SLC1A4: variants seen among roughly 807,000 people sequenced by gnomAD.
SLC1A4 encodes the protein solute carrier family 1 member 4.
SLC1A4 carries 19 observed loss-of-function variants against 37.7 expected under a neutral mutation model. The observed-to-expected ratio is 0.50, with a 90% CI of 0.35 to 0.74. The LOEUF is 0.74. SLC1A4 is among the 30% of genes least tolerant of loss of function. SLC1A4 has a pLI of 0.01. For missense variants in SLC1A4, 570 were observed against 712.9 expected (o/e 0.80, Z 2.28); for synonymous variants, 299 against 309.8 (o/e 0.97, Z 0.37).
chr2:65,021,417 C>T lies in SLC1A4; in HGVS notation c.*271C>T, dbSNP rs1674417689. 4.3e-6 allele frequency: 2 copies of T among 462,994 alleles called. No individual in the cohort carries two copies. Among genetic ancestry groups the T allele is most frequent in the South Asian group, 3.0e-5 (1 of 33,236 alleles). 28.7% of individuals were successfully genotyped at this position (462,994 alleles called of 1,614,324 possible). ...CCAGGGATCTGTTTGGAAACAACCC[C>T]TTGAGCTGCCAGGCTCAAGAAATCA... On this transcript the variant is annotated 3_prime_UTR_variant, in exon 8 of 8. Coordinates refer to ENST00000234256, the MANE Select transcript of SLC1A4 (RefSeq NM_003038.5).
chr2:65,019,437 T>C (rs1224015516), intron 7 of SLC1A4, among the ~76,000 whole-genome samples: 1 of 151,952 alleles, frequency 6.6e-6, no homozygotes, highest in Admixed American at 6.6e-5. Context: ...ATGGGAATGA[T>C]CATAGCACCC....
chr2:64,995,281 C>T (rs956147299), intron 1 of SLC1A4, among the ~76,000 whole-genome samples: 2 of 152,154 alleles, frequency 1.3e-5, no homozygotes, highest in Non-Finnish European at 2.9e-5. Context: ...CTCTCTGTGC[C>T]TGAGTGTCCT....
In SLC1A4 at chr2:65,016,427, G is replaced by T. The variant is rs764230778; in HGVS notation, c.801-13G>T. On this transcript the variant is annotated splice_polypyrimidine_tract_variant and intron_variant, in intron 4 of 7. Coordinates refer to ENST00000234256, the MANE Select transcript of SLC1A4 (RefSeq NM_003038.5). ...TATCCCCCACTGATGAGTACCCTGT[G>T]CTTGTGCCCTAGGTACGTACCTGTG... The T allele has an allele frequency of 6.2e-7, 1 of 1,603,318 alleles. No homozygotes were observed.
intron 3 of SLC1A4, among the ~76,000 whole-genome samples, chr2:65,007,349 G>T (rs1673721417): frequency 6.6e-6 from 1 of 152,088 alleles, no homozygotes; most frequent in Non-Finnish European, 1.5e-5. Context: ...TCAGGTGAGG[G>T]AGGAGCTATG....
At position 65,003,961 on chromosome 2, in the gene SLC1A4, C is replaced by A; in HGVS notation, c.579C>A (p.Thr193=). The A allele has an allele frequency of 6.2e-7, 1 of 1,613,710 alleles. No individual in the cohort carries two copies. The highest frequency in any genetic ancestry group is 1.1e-5 in the South Asian group (1 of 91,056). ...LVVAAFRTYA[T]DYKVVTQNSS... is the part of the protein sequence containing the mutation. ...TTTCCTCTTGATCACAGTATGCAACCGATTATAAAGTCGTGACCCAGAACA... is the reference window on the plus strand; with the variant it reads ...TTTCCTCTTGATCACAGTATGCAACAGATTATAAAGTCGTGACCCAGAACA... Residue 193 remains threonine, a synonymous_variant, in exon 3 of 8, where the codon ACC becomes ACA. Coordinates refer to ENST00000234256, the MANE Select transcript of SLC1A4 (RefSeq NM_003038.5).
At position 64,989,641 on chromosome 2, in the gene SLC1A4, G is replaced by T; in HGVS notation, c.-3G>T. On this transcript the variant is annotated 5_prime_UTR_variant, in exon 1 of 8. Transcript: ENST00000234256. The stretch of plus-strand genomic sequence containing the variant: ...CCTCTAGCTCGGAGCGGCGTGTAGC[G>T]CCATGGAGAAGAGCAACGAGACCAA... 1 of 1,514,212 alleles carries T rather than the reference G, an allele frequency of 6.6e-7. No homozygotes were observed. The highest frequency in any genetic ancestry group is 2.7e-5 in the East Asian group (1 of 36,962). The allele number at this position is 1,514,212 out of a possible 1,614,324, so 93.8% of individuals were successfully genotyped here.
At chr2:65,008,404 G>C (rs1224299176) in intron 3 of SLC1A4, among the ~76,000 whole-genome samples, 1 of 152,184 alleles carries the variant, frequency 6.6e-6, no homozygotes, top group Non-Finnish European at 1.5e-5. Context: ...TTGAGAGACT[G>C]AATTGGGAGA....
In SLC1A4 at chr2:65,018,339, C is replaced by A; in HGVS notation, c.1229+74C>A. 1 of 1,500,558 alleles carries A rather than the reference C, an allele frequency of 6.7e-7. No individual in the cohort carries two copies. Among genetic ancestry groups the A allele is most frequent in the Non-Finnish European group, 9.1e-7 (1 of 1,095,526 alleles). The allele number at this position is 1,500,558 out of a possible 1,614,324, so 93.0% of individuals were successfully genotyped here. A position where few individuals can be genotyped will look rare whatever the true frequency, so the allele number is the denominator to read the frequency against. On this transcript the variant is annotated intron_variant, in intron 6 of 7. Coordinates refer to ENST00000234256, the MANE Select transcript of SLC1A4 (RefSeq NM_003038.5). The surrounding 1 kb of genome is among the most constrained non-coding windows in gnomAD (Gnocchi z 4.3). ...GATTTCCTTTGAAAAACCAATCTCA[C>A]CACAACTTGGTGTCTCGCTCATAAA...
intron 7 of SLC1A4, among the ~76,000 whole-genome samples, 193 bp from the exon 8 acceptor site, chr2:65,020,719 C>A (rs911998677): frequency 6.6e-6 from 1 of 151,978 alleles, no homozygotes; most frequent in Non-Finnish European, 1.5e-5. Flanking sequence ...CTTTTTTATT[C>A]TTTCTATAAA....
chr2:65,020,448 G>T (rs927440792), intron 7 of SLC1A4, among the ~76,000 whole-genome samples: 2 of 151,986 alleles, frequency 1.3e-5, no homozygotes, highest in Admixed American at 6.6e-5. Flanking sequence ...TTTATTTTTT[G>T]TAGAGATAGG....
chr2:64,990,246 T>TG (rs1673003677), intron 1 of SLC1A4, 76 bp downstream of exon 1: 1 of 1,299,146 alleles, frequency 7.7e-7, no homozygotes, highest in African/African-American at 1.5e-5. Context: ...TACACCCATA[T>TG]GCTTATACAC....
chr2:65,022,970 C>G lies in SLC1A4; in HGVS notation c.*1824C>G, dbSNP rs1339609078. The G allele has an allele frequency of 6.6e-6, 1 of 152,216 alleles. No homozygotes were observed. The highest frequency in any genetic ancestry group is 1.5e-5 in the Non-Finnish European group (1 of 68,088). The allele number at this position is 152,216 out of a possible 1,614,324, so 9.4% of individuals were successfully genotyped here. A position where few individuals can be genotyped will look rare whatever the true frequency, so the allele number is the denominator to read the frequency against. On this transcript the variant is annotated 3_prime_UTR_variant, in exon 8 of 8. Coordinates refer to ENST00000234256, the MANE Select transcript of SLC1A4 (RefSeq NM_003038.5). ...GAACGGAGACCATCAAGCCACACCC[C>G]CTTCTTAAAACTGGGGACATGAGCC...
Position 65,018,590 on chromosome 2 carries a change from T to C in SLC1A4, c.1275T>C (p.Ala425=). The C allele has an allele frequency of 6.2e-7, 1 of 1,614,244 alleles. No homozygotes were observed. Among genetic ancestry groups the C allele is most frequent in the Admixed American group, 1.7e-5 (1 of 60,024 alleles). The change falls in exon 7 of 8, where the codon GCT becomes GCC. Residue 425 remains alanine, a synonymous_variant. Transcript: ENST00000234256. The surrounding 1 kb of genome is among the most constrained non-coding windows in gnomAD (Gnocchi z 4.3). ...GTGTTGGAGCAGCAGGCGTGCCAGC[T>C]GGAGGGGTCCTCACCATTGCCATTA... The part of the protein sequence containing the change: ...ASSVGAAGVP[A]GGVLTIAIIL...
chr2:64,989,263 C>G (rs181028914), upstream of SLC1A4: 7 of 113,460 alleles, frequency 6.2e-5, no homozygotes, highest in South Asian at 2.8e-4. Context: ...CGGCGGCTCC[C>G]GGCGGCGGCT....
intron 1 of SLC1A4, chr2:65,000,533 C>T (rs1673418064): frequency 6.6e-6 from 1 of 152,184 alleles, no homozygotes; most frequent in South Asian, 2.1e-4. Flanking sequence ...CAGACTGTTA[C>T]TTGACACTGG....
intron 2 of SLC1A4, among the ~76,000 whole-genome samples, chr2:65,003,152 A>C (rs1673544291): frequency 6.6e-6 from 1 of 152,146 alleles, no homozygotes; most frequent in Admixed American, 6.5e-5. Flanking sequence ...AACACTGATA[A>C]AGCTGAGAGA....
chr2:65,000,404 AC>A (rs1306233689), intron 1 of SLC1A4: 4 of 152,246 alleles, frequency 2.6e-5, no homozygotes, highest in African/African-American at 9.6e-5. Flanking sequence ...ACTGTAATAT[AC>A]AAAAGGAAAA....
rs796164620 is a variant in SLC1A4, at chr2:65,002,722, C to T, written c.571-1231C>T. Among the ~76,000 whole-genome samples the T allele has an allele frequency of 7.3e-5, 11 of 151,718 alleles. 1 individual carries two copies. The highest frequency in any genetic ancestry group is 2.2e-4 in the African/African-American group (9 of 41,382). The stretch of plus-strand genomic sequence containing the variant: ...CCTTCCAAGTAGCTGGGACTACAGG[C>T]GCCTGCCACCACACCCAGCTAATTT... On this transcript the variant is annotated intron_variant, in intron 2 of 7. Transcript: ENST00000234256.
In SLC1A4 at chr2:65,021,009, G is replaced by A. The variant is rs776784685; in HGVS notation, c.1462G>A (p.Glu488Lys). ...NQKATKKGEQELAEVKVEAIP... is the reference protein window; with the variant it reads ...NQKATKKGEQKLAEVKVEAIP... ...GAAGGCAACAAAGAAAGGCGAGCAG[G>A]AACTTGCTGAGGTGAAAGTGGAAGC... Residue 488 changes from glutamate to lysine, a missense_variant, in exon 8 of 8, where the codon GAA (glutamate) becomes AAA (lysine). By Grantham distance (56) the Glu-to-Lys change is moderately conservative. Coordinates refer to ENST00000234256, the MANE Select transcript of SLC1A4 (RefSeq NM_003038.5). 9 of 1,614,258 alleles carry A rather than the reference G, an allele frequency of 5.6e-6. No individual in the cohort carries two copies. In the South Asian group the frequency reaches 9.9e-5, roughly 18 times the overall value.
Sources: gnomAD v4.1 joint callset for allele counts (sites outside exome capture counted in the v4.1 genomes callset) on GRCh38, gnomAD v4.1.1 for gene constraint, Gnocchi (gnomAD v3.1) non-coding constraint, MANE v1.5 for transcripts, NCBI Gene and HGNC (gene_info 2026-07-23, HGNC 2026-07-21) for gene names.